The following PDE4D variants were observed in gnomAD, a reference collection of about 807,000 sequenced individuals.
The protein encoded by PDE4D is phosphodiesterase 4D.
PDE4D carries 24 observed loss-of-function variants against 87.4 expected under a neutral mutation model. That is an observed-to-expected ratio of 0.27 (90% CI 0.20 to 0.39). The LOEUF is 0.39. Among genes scored for constraint, PDE4D ranks in the 10% least tolerant of loss-of-function variants. The pLI is 1.00. For missense variants in PDE4D, 714 were observed against 1,041.0 expected, an observed-to-expected ratio of 0.69 and a Z score of 4.32; for synonymous variants, 384 against 383.2, an observed-to-expected ratio of 1.00 and a Z score of -0.02.
intron 1 of PDE4D, among the ~76,000 whole-genome samples, chr5:59,277,922 C>G (rs1457399085): frequency 6.6e-6 from 1 of 152,030 alleles, no homozygotes; most frequent in African/African-American, 2.4e-5. Flanking sequence ...ATAATAGTAC[C>G]ATAATGACTA....
intron 1 of PDE4D, among the ~76,000 whole-genome samples, chr5:59,431,011 C>T (rs1204865195): frequency 6.6e-6 from 1 of 152,050 alleles, no homozygotes; most frequent in African/African-American, 2.4e-5. Context: ...TCATAAATTA[C>T]TATTCATGAT....
intron 3 of PDE4D, among the ~76,000 whole-genome samples, chr5:59,186,658 T>C (rs1298537890): frequency 6.6e-6 from 1 of 152,162 alleles, no homozygotes; most frequent in African/African-American, 2.4e-5. Flanking sequence ...TTTGTGTAAG[T>C]CAATGGAGAG....
At chr5:60,421,805 G>T (rs901208490) in intron 1 of PDE4D, among the ~76,000 whole-genome samples, 1 of 152,056 alleles carries the variant, frequency 6.6e-6, no homozygotes, top group African/African-American at 2.4e-5. Flanking sequence ...AAAAAATGTT[G>T]GACGAATGGC....
chr5:59,740,464 A>G (rs1288190801), intron 1 of PDE4D, among the ~76,000 whole-genome samples: 2 of 152,202 alleles, frequency 1.3e-5, no homozygotes, highest in African/African-American at 4.8e-5. Flanking sequence ...AAAACTTTTA[A>G]GTTCTTAACA....
intron 1 of PDE4D, among the ~76,000 whole-genome samples, chr5:60,446,658 A>C (rs1745666954): frequency 6.6e-6 from 1 of 152,188 alleles, no homozygotes; most frequent in African/African-American, 2.4e-5. Context: ...GAAGTAACAA[A>C]GGGAAAAAAT....
intron 1 of PDE4D, among the ~76,000 whole-genome samples, chr5:60,379,156 T>C (rs979491805): frequency 6.6e-6 from 1 of 151,500 alleles, no homozygotes; most frequent in Non-Finnish European, 1.5e-5. Flanking sequence ...AAGAAATTTC[T>C]TGTGGAGCAG....
intron 1 of PDE4D, among the ~76,000 whole-genome samples, chr5:59,648,590 C>G (rs903024882): frequency 2.0e-5 from 3 of 152,050 alleles, no homozygotes; most frequent in African/African-American, 7.2e-5. Context: ...TGTGTTTGGA[C>G]TAACACTGAC....
intron 1 of PDE4D, among the ~76,000 whole-genome samples, chr5:60,463,836 G>C (rs755551823): frequency 1.2e-4 from 19 of 152,152 alleles, no homozygotes; most frequent in Non-Finnish European, 2.5e-4. Flanking sequence ...AACACGTCCT[G>C]AAATGGCTCT....
At chr5:59,703,607 A>G (rs1215598068) in intron 1 of PDE4D, 1 of 534,542 alleles carries the variant, frequency 1.9e-6, no homozygotes, top group Admixed American at 1.9e-5. Context: ...TCACAATGAA[A>G]TGTTTCTACT....
Position 59,827,164 on chromosome 5 carries a change from A to T in PDE4D, c.455+66004T>A, listed in dbSNP as rs142210789. ...GACAGGCCCAATGAACACGAGATAG[A>T]AAAGCAAGGTGAGCAATAGTAGTTA... is the stretch of plus-strand genomic sequence containing the variant. On this transcript the variant is annotated intron_variant, in intron 1 of 14. Coordinates refer to ENST00000340635, the MANE Select transcript of PDE4D (RefSeq NM_001104631.2). Among the ~76,000 whole-genome samples the T allele has an allele frequency of 4.6e-5, 7 of 152,188 alleles. No individual in the cohort carries two copies. In the East Asian group the frequency reaches 1.4e-3, roughly 29 times the overall value.
chr5:59,621,010 C>CTTT (rs531970502), intron 1 of PDE4D, among the ~76,000 whole-genome samples: 23 of 148,240 alleles, frequency 1.6e-4, no homozygotes, highest in African/African-American at 5.7e-4. Flanking sequence ...CTCATTTCCT[C>CTTT]TTTTTTTTTT....
intron 1 of PDE4D, among the ~76,000 whole-genome samples, chr5:59,578,492 A>C (rs1444487135): frequency 6.6e-6 from 1 of 152,186 alleles, no homozygotes; most frequent in African/African-American, 2.4e-5. Flanking sequence ...CTTTGTGTAA[A>C]TAATTTCTCA....
intron 5 of PDE4D, among the ~76,000 whole-genome samples, chr5:59,136,516 G>C (rs1466402581): frequency 1.3e-5 from 2 of 152,124 alleles, no homozygotes; most frequent in African/African-American, 4.8e-5. Flanking sequence ...TGGGTTTTTA[G>C]ACATAACATA....
chr5:59,564,624 G>A (rs1404415894), intron 1 of PDE4D, among the ~76,000 whole-genome samples: 2 of 152,160 alleles, frequency 1.3e-5, no homozygotes, highest in African/African-American at 4.8e-5. Context: ...TGGAAGAACT[G>A]ACCAGAAGAG....
chr5:59,070,911 A>G (rs1469424479), intron 5 of PDE4D, among the ~76,000 whole-genome samples: 1 of 152,092 alleles, frequency 6.6e-6, no homozygotes, highest in Non-Finnish European at 1.5e-5. Flanking sequence ...TCACTTTGGG[A>G]TGTTCTTTCC....
intron 1 of PDE4D, among the ~76,000 whole-genome samples, chr5:60,247,728 C>T (rs945607843): frequency 1.3e-4 from 20 of 151,966 alleles, no homozygotes; most frequent in African/African-American, 4.6e-4. Context: ...CTCTCCCTCT[C>T]TCTCACACAC....
chr5:59,849,388 A>C (rs1024001389), intron 1 of PDE4D, among the ~76,000 whole-genome samples: 1 of 152,024 alleles, frequency 6.6e-6, no homozygotes, highest in African/African-American at 2.4e-5. Flanking sequence ...AAGAGACATG[A>C]AGTTTTAATA....
At chr5:60,237,347 T>C (rs1484230675) in intron 1 of PDE4D, among the ~76,000 whole-genome samples, 1 of 151,984 alleles carries the variant, frequency 6.6e-6, no homozygotes. Context: ...TAGCCAAAAA[T>C]TGAAAAGACT....
At chr5:59,509,743 T>G (rs1809937891) in intron 1 of PDE4D, among the ~76,000 whole-genome samples, 1 of 149,910 alleles carries the variant, frequency 6.7e-6, no homozygotes, top group Non-Finnish European at 1.5e-5. Flanking sequence ...TCTAAAATAA[T>G]GCCAGAAAAG....
Sources: gnomAD v4.1 joint callset for allele counts (sites outside exome capture counted in the v4.1 genomes callset) on GRCh38, gnomAD v4.1.1 for gene constraint, MANE v1.5 for transcripts, NCBI Gene and HGNC (gene_info 2026-07-23, HGNC 2026-07-21) for gene names.